RAB38: variants seen among roughly 807,000 people sequenced by gnomAD.
RAB38 encodes the protein ras-related protein Rab-38.
A neutral mutation model predicts 18.4 loss-of-function variants in RAB38; 15 were observed. That is an observed-to-expected ratio of 0.82 (90% confidence interval 0.55 to 1.26). The LOEUF is 1.26. Among genes scored for constraint, RAB38 ranks in the 50% most tolerant of loss-of-function variants. The pLI, the probability that RAB38 is intolerant of heterozygous loss-of-function variation, is 0.00. For synonymous variants in RAB38, 101 were observed against 104.4 expected, an observed-to-expected ratio of 0.97 and a Z score of 0.20; for missense variants, 294 against 267.4, an observed-to-expected ratio of 1.10 and a Z score of -0.69.
At chr11:87,841,988 A>T in the RAB38 span, among the ~76,000 whole-genome samples, 3 of 151,888 alleles carry the variant, frequency 2.0e-5, no homozygotes, top group Admixed American at 2.0e-4. Context: ...TCTTCTTGCT[A>T]TTTTTTCTTC....
At chr11:88,037,225 C>T in the RAB38 span, among the ~76,000 whole-genome samples, 1 of 152,002 alleles carries the variant, frequency 6.6e-6, no homozygotes, top group Non-Finnish European at 1.5e-5. Context: ...ATTTCAAATA[C>T]ATTTCCATAG....
At chr11:88,173,508 C>G in intron 1 of RAB38, 1 of 984,086 alleles carries the variant, frequency 1.0e-6, no homozygotes, top group East Asian at 1.1e-4. Flanking sequence ...CCTTCCATCT[C>G]TTCTGTTTAT....
the RAB38 span, among the ~76,000 whole-genome samples, chr11:87,941,219 A>ATATATATATATATATG: frequency 9.5e-6 from 1 of 105,368 alleles, no homozygotes; most frequent in African/African-American, 3.7e-5. Flanking sequence ...TATGAGATAT[A>ATATATATATATATATG]TATATATATA....
the RAB38 span, among the ~76,000 whole-genome samples, chr11:88,068,986 G>T: frequency 6.6e-6 from 1 of 152,210 alleles, no homozygotes; most frequent in Admixed American, 6.5e-5. Context: ...CTGCAGTGTG[G>T]GAGCCCCTCT....
chr11:87,832,948 A>G, the RAB38 span, among the ~76,000 whole-genome samples: 276 of 152,280 alleles, frequency 1.8e-3, no homozygotes, highest in African/African-American at 6.2e-3. Context: ...TCCAAAACAT[A>G]TCACAATTAT....
At chr11:87,975,693 A>G in the RAB38 span, among the ~76,000 whole-genome samples, 1 of 151,860 alleles carries the variant, frequency 6.6e-6, no homozygotes, top group Non-Finnish European at 1.5e-5. Flanking sequence ...TTCATTTTCT[A>G]TAAATCTTTA....
At chr11:87,819,280 GT>G in the RAB38 span, among the ~76,000 whole-genome samples, 1 of 152,156 alleles carries the variant, frequency 6.6e-6, no homozygotes. Context: ...TGTGGAGAGA[GT>G]TTTTACTTGA....
chr11:88,150,169 G>A (rs1943047575), intron 1 of RAB38, among the ~76,000 whole-genome samples: 1 of 152,110 alleles, frequency 6.6e-6, no homozygotes, highest in African/African-American at 2.4e-5. Context: ...AATATGTACT[G>A]AGAAATTTCT....
At chr11:87,852,328 T>G in the RAB38 span, among the ~76,000 whole-genome samples, 3 of 152,164 alleles carry the variant, frequency 2.0e-5, no homozygotes, top group Non-Finnish European at 4.4e-5. Flanking sequence ...GTCAAGATTT[T>G]GGAGTAGTAA....
At chr11:88,034,651 G>T in the RAB38 span, among the ~76,000 whole-genome samples, 1 of 152,244 alleles carries the variant, frequency 6.6e-6, no homozygotes, top group Admixed American at 6.5e-5. Flanking sequence ...ATCCTCTTTG[G>T]TGGAATGTCT....
the RAB38 span, among the ~76,000 whole-genome samples, chr11:87,819,451 AT>A: frequency 4.0e-5 from 6 of 151,308 alleles, no homozygotes; most frequent in Non-Finnish European, 7.4e-5. Context: ...ACATAACAGG[AT>A]TTTTTTTTAT....
chr11:87,896,203 A>G, the RAB38 span, among the ~76,000 whole-genome samples: 292 of 151,832 alleles, frequency 1.9e-3, no homozygotes, highest in Non-Finnish European at 3.7e-3. Flanking sequence ...CTGTCTGACC[A>G]TAGCCAAATT....
the RAB38 span, among the ~76,000 whole-genome samples, chr11:87,931,612 C>G: frequency 6.6e-6 from 1 of 152,054 alleles, no homozygotes; most frequent in Non-Finnish European, 1.5e-5. Flanking sequence ...ATTCAAATGT[C>G]AGAACAGAAC....
the RAB38 span, among the ~76,000 whole-genome samples, chr11:88,030,047 AT>A: frequency 6.6e-6 from 1 of 152,298 alleles, no homozygotes; most frequent in South Asian, 2.1e-4. Context: ...CCACAGTGCA[AT>A]CAAACTAGAA....
chr11:87,807,359 C>T, the RAB38 span, among the ~76,000 whole-genome samples: 2,481 of 152,290 alleles, frequency 0.016, 27 homozygotes, highest in Middle Eastern at 0.037. Context: ...ACTTACAGGA[C>T]ATCCCTAAGT....
At chr11:87,858,400 A>T in the RAB38 span, among the ~76,000 whole-genome samples, 1 of 152,038 alleles carries the variant, frequency 6.6e-6, no homozygotes, top group Non-Finnish European at 1.5e-5. Flanking sequence ...CTCTGGACTC[A>T]TGCCTGTGTG....
chr11:87,941,212 GAGATATATATAT>G, the RAB38 span, among the ~76,000 whole-genome samples: 56 of 37,802 alleles, frequency 1.5e-3, 4 homozygotes, highest in East Asian at 0.03. Context: ...ATAAATATAT[GAGATATATATAT>G]ATATATATAT....
chr11:88,014,761 C>T, the RAB38 span, among the ~76,000 whole-genome samples: 1 of 152,038 alleles, frequency 6.6e-6, no homozygotes, highest in Non-Finnish European at 1.5e-5. Flanking sequence ...TGGGTGGGGA[C>T]AAATTTGAGC....
the RAB38 span, among the ~76,000 whole-genome samples, chr11:87,873,564 A>G: frequency 5.8e-4 from 88 of 151,458 alleles, no homozygotes; most frequent in African/African-American, 2.1e-3. Context: ...CTCCTATGTT[A>G]TGTTCTGGGA....
Sources: allele counts gnomAD v4.1 joint callset (sites outside exome capture counted in the v4.1 genomes callset), GRCh38; gene constraint gnomAD v4.1.1; transcripts MANE v1.5; gene names NCBI Gene and HGNC (gene_info 2026-07-23, HGNC 2026-07-21).